SOS1: variants seen among roughly 807,000 people sequenced by gnomAD.
SOS1 encodes SOS Ras/Rac guanine nucleotide exchange factor 1, also known as son of sevenless homolog 1.
SOS1 carries 25 observed loss-of-function variants against 157.6 expected under a neutral mutation model. The observed-to-expected ratio is 0.16, with a 90% confidence interval of 0.12 to 0.22. The LOEUF (loss-of-function observed/expected upper bound fraction) is 0.22. Among genes scored for constraint, SOS1 ranks in the 10% least tolerant of loss-of-function variants. The pLI is 1.00. For synonymous variants in SOS1, 528 were observed against 534.0 expected, an observed-to-expected ratio of 0.99 and a Z score of 0.16; for missense variants, 1,237 against 1,599.1, an observed-to-expected ratio of 0.77 and a Z score of 3.86.
At chr2:38,994,987 A>G (rs1056466796) in intron 20 of SOS1, 136 bp downstream of exon 20, 4 of 678,282 alleles carry the variant, frequency 5.9e-6, no homozygotes, top group Non-Finnish European at 9.9e-6. Flanking sequence ...TTATATTTTT[A>G]TAATATTATC....
intron 2 of SOS1, among the ~76,000 whole-genome samples, chr2:39,059,083 A>T (rs532500972): frequency 3.9e-5 from 6 of 152,274 alleles, no homozygotes; most frequent in Admixed American, 2.6e-4. Context: ...AAGAATGAGT[A>T]GAAGCTACTT....
At chr2:39,122,447 T>TACACACACACAC (rs70954783), upstream of SOS1, among the ~76,000 whole-genome samples, 635 of 142,188 alleles carry the variant, frequency 4.5e-3, 9 homozygotes, top group African/African-American at 0.016. Flanking sequence ...AAAAAAAATA[T>TACACACACACAC]ACACACACAC....
chr2:39,123,606 C>T (rs1354832450), upstream of SOS1, among the ~76,000 whole-genome samples: 1 of 152,124 alleles, frequency 6.6e-6, no homozygotes, highest in African/African-American at 2.4e-5. Flanking sequence ...AATCCACCCA[C>T]CTCCGCCTCC....
chr2:39,080,164 G>T (rs1190892215), intron 1 of SOS1, among the ~76,000 whole-genome samples: 1 of 151,746 alleles, frequency 6.6e-6, no homozygotes, highest in East Asian at 1.9e-4. Flanking sequence ...TTGTTTTTCT[G>T]CAACTAGATG....
Position 39,054,690 on chromosome 2 carries a change from T to C in SOS1, c.644A>G (p.Tyr215Cys). ...TATAATTAGATTTAGTTCCCTTATA[T>C]ATTGTCGAATTTCTGCCATAAATGC... The part of the protein sequence containing the change: ...VKAFMAEIRQ[Y>C]IRELNLIIKV... The change falls in exon 5 of 23, where the codon TAT (tyrosine) becomes TGT (cysteine). Residue 215 changes from tyrosine to cysteine, a missense_variant. Around this residue, in one of 15 missense-constraint regions of SOS1, gnomAD observed 108 missense variants for 115.3 expected, o/e 0.94. Transcript: ENST00000402219. 2 of 1,599,924 alleles carry C rather than the reference T, an allele frequency of 1.3e-6. No homozygotes were observed. Among genetic ancestry groups the C allele is most frequent in the Non-Finnish European group, 1.7e-6 (2 of 1,167,190 alleles).
chr2:39,035,174 T>A, intron 8 of SOS1, 38 bp downstream of exon 8: 1 of 1,429,288 alleles, frequency 7.0e-7, no homozygotes, highest in African/African-American at 1.4e-5. Context: ...AAATTCACAC[T>A]TGAATATGTT....
At chr2:39,077,666 G>A (rs886342397) in intron 1 of SOS1, among the ~76,000 whole-genome samples, 3 of 152,118 alleles carry the variant, frequency 2.0e-5, no homozygotes, top group African/African-American at 7.2e-5. Context: ...TGGAGAGCTT[G>A]TATACAGATC....
chr2:39,029,304 T>C (rs911409190), intron 8 of SOS1, among the ~76,000 whole-genome samples: 4 of 152,172 alleles, frequency 2.6e-5, no homozygotes, highest in Non-Finnish European at 5.9e-5. Flanking sequence ...TAACTACAAA[T>C]GTACCTCACA....
intron 10 of SOS1, among the ~76,000 whole-genome samples, chr2:39,017,927 G>GATAAT (rs1669679946): frequency 6.6e-6 from 1 of 151,808 alleles, no homozygotes; most frequent in Non-Finnish European, 1.5e-5. Flanking sequence ...AAAGAGCTAA[G>GATAAT]ATAATATAAA....
chr2:39,085,688 C>T (rs770027198), intron 1 of SOS1, among the ~76,000 whole-genome samples: 22 of 152,200 alleles, frequency 1.4e-4, no homozygotes, highest in Non-Finnish European at 2.5e-4. Context: ...GATTGCTTCA[C>T]ATTTATAGAA....
At position 39,014,033 on chromosome 2, in the gene SOS1, G is replaced by A. The variant is rs73930394; in HGVS notation, c.1941-44C>T. On this transcript the variant is annotated intron_variant, in intron 11 of 22. Transcript: ENST00000402219. Reference sequence around the variant, plus strand: ...AATTAATGAAAAGACTAATTATATCGAGTTATACAAATAGAAAACCACAAA... The same window carrying A: ...AATTAATGAAAAGACTAATTATATCAAGTTATACAAATAGAAAACCACAAA... 3.7e-3 allele frequency: 5,366 copies of A among 1,457,744 alleles called. 180 individuals are homozygous for A. In the African/African-American group the frequency reaches 0.064, roughly 17 times the overall value. 90.3% of individuals were successfully genotyped at this position (1,457,744 alleles called of 1,614,324 possible).
At chr2:39,075,538 T>A (rs1671939622) in intron 1 of SOS1, among the ~76,000 whole-genome samples, 1 of 151,946 alleles carries the variant, frequency 6.6e-6, no homozygotes, top group South Asian at 2.1e-4. Flanking sequence ...GTGTGGTGGT[T>A]GACGCCTATA....
chr2:39,078,989 G>T (rs1004528601), intron 1 of SOS1, among the ~76,000 whole-genome samples: 1 of 150,134 alleles, frequency 6.7e-6, no homozygotes, highest in African/African-American at 2.5e-5. Flanking sequence ...GAACCTGGGA[G>T]GTGAAGGTTG....
intron 8 of SOS1, among the ~76,000 whole-genome samples, chr2:39,033,696 G>A (rs1019912816): frequency 2.6e-5 from 4 of 151,974 alleles, no homozygotes; most frequent in Non-Finnish European, 4.4e-5. Flanking sequence ...CACCATTCCT[G>A]GCTAATTTTA....
chr2:39,076,894 G>C lies in SOS1; in HGVS notation c.88-9141C>G, dbSNP rs1672023680. Among the ~76,000 whole-genome samples, 3 of 152,092 alleles carry C rather than the reference G, an allele frequency of 2.0e-5. No individual in the cohort carries two copies. The South Asian group carries it at 6.2e-4, about 32-fold the overall frequency. On this transcript the variant is annotated intron_variant, in intron 1 of 22. Transcript: ENST00000402219. ...AAAAGAATCTATAGAAAAATTACAA[G>C]AGTTAATAAGTGAGTTTAGTAAAAT...
At chr2:39,096,574 T>C (rs990775898) in intron 1 of SOS1, among the ~76,000 whole-genome samples, 2 of 152,174 alleles carry the variant, frequency 1.3e-5, no homozygotes, top group African/African-American at 2.4e-5. Flanking sequence ...AAGAGATCTG[T>C]ATTTGAAAGT....
At chr2:39,112,891 T>G (rs1235087402) in intron 1 of SOS1, among the ~76,000 whole-genome samples, 2 of 151,862 alleles carry the variant, frequency 1.3e-5, no homozygotes, top group Non-Finnish European at 2.9e-5. Context: ...CACAAAAGAT[T>G]AGCTGCGTGT....
At chr2:39,033,959 C>T (rs1327244335) in intron 8 of SOS1, among the ~76,000 whole-genome samples, 1 of 151,296 alleles carries the variant, frequency 6.6e-6, no homozygotes, top group South Asian at 2.1e-4. Context: ...GAAACCATTA[C>T]AAAGAAAAAT....
At chr2:39,041,484 CTT>C (rs1670566998) in intron 6 of SOS1, among the ~76,000 whole-genome samples, 1 of 152,080 alleles carries the variant, frequency 6.6e-6, no homozygotes, top group Non-Finnish European at 1.5e-5. Flanking sequence ...TGTAGGCTGT[CTT>C]TTGCTTTCTT....
Sources: allele counts gnomAD v4.1 joint callset (sites outside exome capture counted in the v4.1 genomes callset), GRCh38; gene constraint gnomAD v4.1.1; regional missense constraint gnomAD v4.1.1; transcripts MANE v1.5; gene names NCBI Gene and HGNC (gene_info 2026-07-23, HGNC 2026-07-21).